The following MAPKAPK2 variants were observed in gnomAD, a reference collection of about 807,000 sequenced individuals.
MAPKAPK2 encodes the protein MAP kinase-activated protein kinase 2.
Under a neutral mutation model 48.8 loss-of-function variants are expected in MAPKAPK2, and 9 were observed. The ratio of observed to expected loss-of-function variants is 0.18; its 90% CI spans 0.11 to 0.32. MAPKAPK2 has a LOEUF of 0.32. Ranked by LOEUF, MAPKAPK2 falls within the 10% of genes least tolerant of loss-of-function variation. The probability of loss-of-function intolerance (pLI) is 1.00; values close to 1 mark genes in which losing one functional copy is unlikely to be tolerated. For missense variants in MAPKAPK2, 331 were observed against 498.3 expected, an observed-to-expected ratio of 0.66 and a Z score of 3.20; for synonymous variants, 202 against 190.6, an observed-to-expected ratio of 1.06 and a Z score of -0.49.
chr1:206,709,491 G>C (rs1467671204), intron 1 of MAPKAPK2, among the ~76,000 whole-genome samples: 3 of 152,142 alleles, frequency 2.0e-5, no homozygotes, highest in South Asian at 2.1e-4. Flanking sequence ...GTGAGCTGAA[G>C]GAAATATTAA....
Position 206,732,709 on chromosome 1 carries a change from G to C in MAPKAPK2, c.1194G>C (p.Leu398=). The change falls in exon 10 of 10, where the codon CTG becomes CTC. Residue 398 remains leucine, a synonymous_variant. Coordinates refer to ENST00000367103, the MANE Select transcript of MAPKAPK2 (RefSeq NM_032960.4). This position sits in a 1 kb window ranked among gnomAD's most constrained non-coding sequence, Gnocchi z 4.4. ...KKARALEAAA[L]AH ...CTCGGGCCCTGGAGGCTGCGGCTCT[G>C]GCCCACTGAGCCACCGCGCCCTCCT... 5 of 1,614,184 alleles carry C rather than the reference G, an allele frequency of 3.1e-6. No homozygotes were observed. The highest frequency in any genetic ancestry group is 4.2e-6 in the Non-Finnish European group (5 of 1,180,026).
chr1:206,695,820 G>A (rs1435937356), intron 1 of MAPKAPK2: 1 of 352,546 alleles, frequency 2.8e-6, no homozygotes, highest in Non-Finnish European at 5.3e-6. Flanking sequence ...AATATTTGAG[G>A]AGTCCTGTGC....
intron 1 of MAPKAPK2, among the ~76,000 whole-genome samples, chr1:206,690,123 C>G (rs1447412020): frequency 6.6e-6 from 1 of 152,172 alleles, no homozygotes; most frequent in Non-Finnish European, 1.5e-5. Context: ...GCTAACTCAT[C>G]TTGTGTCAAA....
intron 1 of MAPKAPK2, among the ~76,000 whole-genome samples, chr1:206,687,404 C>T (rs1162232178): frequency 3.3e-5 from 5 of 152,190 alleles, no homozygotes; most frequent in African/African-American, 9.7e-5. Context: ...CATAGTTTAT[C>T]CCTCTCAGGT....
chr1:206,698,780 T>G (rs1672706595), intron 1 of MAPKAPK2, among the ~76,000 whole-genome samples: 1 of 152,070 alleles, frequency 6.6e-6, no homozygotes, highest in Non-Finnish European at 1.5e-5. Context: ...CTAAGCATTA[T>G]CTTGGGCTCT....
At chr1:206,722,740 C>A (rs951124210) in intron 1 of MAPKAPK2, among the ~76,000 whole-genome samples, 4 of 152,242 alleles carry the variant, frequency 2.6e-5, no homozygotes, top group South Asian at 2.1e-4. Flanking sequence ...GCCAGCCCCC[C>A]TCGGCCTGCA....
In MAPKAPK2 at chr1:206,730,111, G is replaced by C. The variant is rs782326607; in HGVS notation, c.691+13G>C. ...CCGTACTATGTGGGTAAGTCCACAG[G>C]GGGCCCAGGGACCTAGGCTTTTCCC... On this transcript the variant is annotated intron_variant, in intron 5 of 9. Transcript: ENST00000367103. 3 of 1,614,110 alleles carry C rather than the reference G, an allele frequency of 1.9e-6. No individual in the cohort carries two copies. Among genetic ancestry groups the C allele is most frequent in the Non-Finnish European group, 2.5e-6 (3 of 1,179,992 alleles).
intron 3 of MAPKAPK2, 121 bp from the exon 4 acceptor site, chr1:206,729,274 TG>T: frequency 9.2e-7 from 1 of 1,081,462 alleles, no homozygotes. Context: ...GTTTCTGGGG[TG>T]GGTGGTGGCT....
At position 206,687,258 on chromosome 1, in the gene MAPKAPK2, C is replaced by T. The variant is rs1413094966; in HGVS notation, c.279+1750C>T. The stretch of plus-strand genomic sequence containing the variant: ...CTCTGTATTCTGTTTAATAGACACA[C>T]GCACAAAATCATCCTATAAAATGCT... On this transcript the variant is annotated intron_variant, in intron 1 of 9. Coordinates refer to ENST00000367103, the MANE Select transcript of MAPKAPK2 (RefSeq NM_032960.4). 2.6e-5 allele frequency among the ~76,000 whole-genome samples: 4 copies of T among 152,314 alleles called. No homozygotes were observed. In the East Asian group the frequency reaches 7.7e-4, roughly 29 times the overall value.
Position 206,731,993 on chromosome 1 carries a change from G to T in MAPKAPK2, c.1059+74G>T. The T allele has an allele frequency of 1.2e-6, 2 of 1,614,108 alleles. No homozygotes were observed. The highest frequency in any genetic ancestry group is 1.7e-6 in the Non-Finnish European group (2 of 1,180,008). ...TGCGGGGAGTGCCCAGGTGTGAGGCGTGGTGCTGGTAGGGGAGAGCTTGAT... is the reference window on the plus strand; with the variant it reads ...TGCGGGGAGTGCCCAGGTGTGAGGCTTGGTGCTGGTAGGGGAGAGCTTGAT... On this transcript the variant is annotated intron_variant, in intron 9 of 9. Coordinates refer to ENST00000367103, the MANE Select transcript of MAPKAPK2 (RefSeq NM_032960.4). This position sits in a 1 kb window ranked among gnomAD's most constrained non-coding sequence, Gnocchi z 5.9.
At chr1:206,719,385 C>T (rs781866794) in intron 1 of MAPKAPK2, among the ~76,000 whole-genome samples, 5 of 152,110 alleles carry the variant, frequency 3.3e-5, no homozygotes, top group Admixed American at 6.5e-5. Flanking sequence ...TGGGATTCCC[C>T]GTTGTAAGTT....
At chr1:206,719,953 G>C (rs1326953169) in intron 1 of MAPKAPK2, among the ~76,000 whole-genome samples, 2 of 152,168 alleles carry the variant, frequency 1.3e-5, no homozygotes, top group East Asian at 3.8e-4. Context: ...TGGCGGTCAC[G>C]GGGCTTATTT....
At chr1:206,708,859 A>G (rs1390476876) in intron 1 of MAPKAPK2, among the ~76,000 whole-genome samples, 2 of 152,228 alleles carry the variant, frequency 1.3e-5, no homozygotes, top group Admixed American at 6.5e-5. Flanking sequence ...AACCTCATAT[A>G]AATGGGATAA....
At chr1:206,726,446 C>T (rs1673704505) in intron 1 of MAPKAPK2, among the ~76,000 whole-genome samples, 1 of 152,240 alleles carries the variant, frequency 6.6e-6, no homozygotes, top group African/African-American at 2.4e-5. Context: ...ATGAGGTGTC[C>T]TCATATGGCC....
At chr1:206,696,075 A>G (rs879989562) in intron 1 of MAPKAPK2, 1 of 1,092,466 alleles carries the variant, frequency 9.2e-7, no homozygotes, top group Non-Finnish European at 1.4e-6. Flanking sequence ...GATTCATCTC[A>G]CCTGCCTTCA....
chr1:206,712,492 T>C (rs1212620983), intron 1 of MAPKAPK2, among the ~76,000 whole-genome samples: 1 of 151,848 alleles, frequency 6.6e-6, no homozygotes, highest in African/African-American at 2.4e-5. Context: ...AAGATGGGTT[T>C]TTTTGTTGTT....
In MAPKAPK2 at chr1:206,732,739, A is replaced by G; in HGVS notation, c.*21A>G. The G allele has an allele frequency of 6.2e-7, 1 of 1,613,396 alleles. No individual in the cohort carries two copies. The highest frequency in any genetic ancestry group is 2.2e-5 in the East Asian group (1 of 44,878). ...ACTGAGCCACCGCGCCCTCCTGCCC[A>G]CGGGAGGACAAGCAATAACTCTCTA... On this transcript the variant is annotated 3_prime_UTR_variant, in exon 10 of 10. Transcript: ENST00000367103. The surrounding 1 kb of genome is among the most constrained non-coding windows in gnomAD (Gnocchi z 4.4).
chr1:206,719,053 G>A (rs1572505557), intron 1 of MAPKAPK2, among the ~76,000 whole-genome samples: 1 of 152,236 alleles, frequency 6.6e-6, no homozygotes, highest in South Asian at 2.1e-4. Context: ...TACACTGAGT[G>A]TCTTCCATTC....
chr1:206,721,688 T>C (rs1673522455), intron 1 of MAPKAPK2, among the ~76,000 whole-genome samples: 1 of 152,218 alleles, frequency 6.6e-6, no homozygotes. Context: ...CGTGAACTAA[T>C]GACTCAGTGA....
Sources: gnomAD v4.1 joint callset for allele counts (sites outside exome capture counted in the v4.1 genomes callset) on GRCh38, gnomAD v4.1.1 for gene constraint, Gnocchi (gnomAD v3.1) non-coding constraint, MANE v1.5 for transcripts, NCBI Gene and HGNC (gene_info 2026-07-23, HGNC 2026-07-21) for gene names.